The following ADAMTS12 variants were observed in gnomAD, a reference collection of about 807,000 sequenced individuals.
ADAMTS12 encodes ADAM metallopeptidase with thrombospondin type 1 motif 12, also known as A disintegrin and metalloproteinase with thrombospondin motifs 12.
In ADAMTS12, 118 loss-of-function variants were observed where a neutral mutation model predicts 167.8. The ratio of observed to expected loss-of-function variants is 0.70; its 90% confidence interval spans 0.61 to 0.82. The LOEUF is 0.82. Ranked by LOEUF, ADAMTS12 falls within the 40% of genes least tolerant of loss-of-function variation. The probability of loss-of-function intolerance (pLI) is 0.00; values close to 1 mark genes in which losing one functional copy is unlikely to be tolerated. For synonymous variants in ADAMTS12, 704 were observed against 716.9 expected, an observed-to-expected ratio of 0.98 and a Z score of 0.29; for missense variants, 1,916 against 1,998.8, an observed-to-expected ratio of 0.96 and a Z score of 0.79.
chr5:33,616,296 G>A (rs1482381796), intron 14 of ADAMTS12, among the ~76,000 whole-genome samples: 1 of 152,172 alleles, frequency 6.6e-6, no homozygotes, highest in African/African-American at 2.4e-5. Flanking sequence ...GCCCAGTTTT[G>A]TAAGGAGAGG....
intron 5 of ADAMTS12, among the ~76,000 whole-genome samples, chr5:33,667,204 G>A (rs1474173408): frequency 6.6e-6 from 1 of 150,866 alleles, no homozygotes. Context: ...TGTAATCCCA[G>A]CTACTTGGGA....
At chr5:33,778,008 T>C (rs905395459) in intron 2 of ADAMTS12, among the ~76,000 whole-genome samples, 2 of 151,902 alleles carry the variant, frequency 1.3e-5, no homozygotes, top group African/African-American at 4.8e-5. Context: ...AAATCACTGA[T>C]GAAAGAAATT....
At chr5:33,648,689 A>T (rs1380489763) in intron 9 of ADAMTS12, 133 bp downstream of exon 9, 1 of 1,143,222 alleles carries the variant, frequency 8.7e-7, no homozygotes, top group African/African-American at 1.5e-5. Context: ...CCTTACAGAC[A>T]CACCTTGCCT....
chr5:33,669,498 A>C (rs1741593903), intron 5 of ADAMTS12, among the ~76,000 whole-genome samples: 1 of 152,200 alleles, frequency 6.6e-6, no homozygotes, highest in Non-Finnish European at 1.5e-5. Flanking sequence ...TATTGTGTGA[A>C]TATCATGACC....
chr5:33,760,316 A>G (rs1745303121), intron 2 of ADAMTS12, among the ~76,000 whole-genome samples: 1 of 152,174 alleles, frequency 6.6e-6, no homozygotes, highest in East Asian at 1.9e-4. Flanking sequence ...TATTCCCCTG[A>G]ATTCAAGGTT....
intron 2 of ADAMTS12, among the ~76,000 whole-genome samples, chr5:33,781,810 A>C (rs982749084): frequency 2.0e-5 from 3 of 152,020 alleles, no homozygotes; most frequent in African/African-American, 7.3e-5. Flanking sequence ...CTCGTCATTT[A>C]GCATTAGGTA....
intron 12 of ADAMTS12, among the ~76,000 whole-genome samples, chr5:33,634,652 T>A (rs945597556): frequency 6.6e-6 from 1 of 152,154 alleles, no homozygotes; most frequent in African/African-American, 2.4e-5. Context: ...CTTTGGCTAG[T>A]CTAAAATGGT....
At position 33,891,837 on chromosome 5, in the gene ADAMTS12, C is replaced by G. The variant is rs891380962; in HGVS notation, c.20G>C (p.Ser7Thr). The G allele has an allele frequency of 3.1e-6, 5 of 1,614,076 alleles. No individual in the cohort carries two copies. The African/African-American group carries it at 6.7e-5, about 22-fold the overall frequency. Residue 7 changes from serine to threonine, a missense_variant, in exon 1 of 24, where the codon AGC becomes ACC. Transcript: ENST00000504830. Reference protein sequence around the residue: MPCAQRSWLANLSVVAQ... With the variant: MPCAQRTWLANLSVVAQ... The stretch of plus-strand genomic sequence containing the variant: ...CACCACGGAAAGGTTTGCAAGCCAG[C>G]TCCTCTGGGCACATGGCATGATTCA...
intron 2 of ADAMTS12, among the ~76,000 whole-genome samples, chr5:33,865,257 A>G (rs1310168135): frequency 1.3e-5 from 2 of 152,178 alleles, no homozygotes; most frequent in Non-Finnish European, 2.9e-5. Context: ...ATCCAACAGT[A>G]TATCAGAAAG....
At position 33,524,140 on chromosome 5, in the gene ADAMTS12, T is replaced by C. The variant is rs1743700917; in HGVS notation, c.*3048A>G. 1 of 152,392 alleles carries C rather than the reference T, an allele frequency of 6.6e-6. No individual in the cohort carries two copies. Among genetic ancestry groups the C allele is most frequent in the Non-Finnish European group, 1.5e-5 (1 of 68,056 alleles). The allele number at this position is 152,392 out of a possible 1,614,324, so 9.4% of individuals were successfully genotyped here. On this transcript the variant is annotated 3_prime_UTR_variant, in exon 24 of 24. Transcript: ENST00000504830. ...AGTGGGATGTCAGCGGAGACGTGGC[T>C]GTCTCAGGAGATTGGACGGAGGTGT...
chr5:33,677,448 A>G (rs962698986), intron 5 of ADAMTS12, among the ~76,000 whole-genome samples: 2 of 152,214 alleles, frequency 1.3e-5, no homozygotes, highest in Non-Finnish European at 2.9e-5. Flanking sequence ...AGTGGAACTA[A>G]TGATAAATCT....
chr5:33,883,328 TTTTTTTTTTTTTTG>T (rs1353318196), intron 1 of ADAMTS12, among the ~76,000 whole-genome samples: 11 of 51,034 alleles, frequency 2.2e-4, no homozygotes, highest in Middle Eastern at 0.014. Flanking sequence ...TTTTTTTTTG[TTTTTTTTTTTTTTG>T]TTTTTTTTTT....
chr5:33,842,926 G>A (rs531794629), intron 2 of ADAMTS12, among the ~76,000 whole-genome samples: 65 of 152,290 alleles, frequency 4.3e-4, no homozygotes, highest in Non-Finnish European at 7.9e-4. Context: ...CCAGCATAGG[G>A]TCAACTTCAT....
chr5:33,871,594 A>G (rs1242622083), intron 2 of ADAMTS12, among the ~76,000 whole-genome samples: 1 of 152,166 alleles, frequency 6.6e-6, no homozygotes, highest in Non-Finnish European at 1.5e-5. Flanking sequence ...TAGAAAAAAA[A>G]AGAGCACATT....
intron 12 of ADAMTS12, among the ~76,000 whole-genome samples, chr5:33,633,955 T>C (rs533178319): frequency 2.0e-5 from 3 of 152,116 alleles, no homozygotes; most frequent in African/African-American, 7.2e-5. Context: ...GCTCTAAAAC[T>C]AATTTACTAG....
Position 33,873,324 on chromosome 5 carries a change from T to A in ADAMTS12, c.489+7795A>T, listed in dbSNP as rs193302675. Reference sequence around the variant, plus strand: ...AACTTAATACCATTTACATTAGCATTCTCCAAAAATTAAATACTTAGATAC... The same window carrying A: ...AACTTAATACCATTTACATTAGCATACTCCAAAAATTAAATACTTAGATAC... On this transcript the variant is annotated intron_variant, in intron 2 of 23. Coordinates refer to ENST00000504830, the MANE Select transcript of ADAMTS12 (RefSeq NM_030955.4). Among the ~76,000 whole-genome samples the A allele has an allele frequency of 2.0e-4, 30 of 152,166 alleles. No individual in the cohort carries two copies. The East Asian group carries it at 5.4e-3, about 27-fold the overall frequency.
intron 20 of ADAMTS12, among the ~76,000 whole-genome samples, chr5:33,558,903 C>T (rs909975172): frequency 6.6e-6 from 1 of 152,074 alleles, no homozygotes; most frequent in Non-Finnish European, 1.5e-5. Context: ...AGACCAGTAT[C>T]GATTCTTGAA....
intron 2 of ADAMTS12, among the ~76,000 whole-genome samples, chr5:33,788,749 C>T (rs548958042): frequency 2.0e-5 from 3 of 152,140 alleles, no homozygotes; most frequent in African/African-American, 4.8e-5. Flanking sequence ...AAACCTATTA[C>T]CAAAAACCCT....
At chr5:33,715,601 C>T (rs568413978) in intron 3 of ADAMTS12, among the ~76,000 whole-genome samples, 51 of 152,208 alleles carry the variant, frequency 3.4e-4, no homozygotes, top group Middle Eastern at 6.8e-3. Context: ...GCTAATTCTT[C>T]GGCTTTTGTA....
Sources: gnomAD v4.1 joint callset for allele counts (sites outside exome capture counted in the v4.1 genomes callset) on GRCh38, gnomAD v4.1.1 for gene constraint, MANE v1.5 for transcripts, NCBI Gene and HGNC (gene_info 2026-07-23, HGNC 2026-07-21) for gene names.